The following ADCY7 variants were observed in gnomAD, a reference collection of about 807,000 sequenced individuals.
ADCY7 encodes the protein adenylate cyclase 7.
A neutral mutation model predicts 120.6 loss-of-function variants in ADCY7; 72 were observed. That is an observed-to-expected ratio of 0.60 (90% confidence interval 0.49 to 0.73). ADCY7 has a LOEUF of 0.73. Ranked by LOEUF, ADCY7 falls within the 30% of genes least tolerant of loss-of-function variation. The pLI, the probability that ADCY7 is intolerant of heterozygous loss-of-function variation, is 0.00. For synonymous variants in ADCY7, 661 were observed against 628.0 expected, an observed-to-expected ratio of 1.05 and a Z score of -0.78; for missense variants, 1,227 against 1,486.0, an observed-to-expected ratio of 0.83 and a Z score of 2.87.
chr16:50,311,809 C>G lies in ADCY7; in HGVS notation c.2448+23C>G, dbSNP rs377431616. ...CAGGTAAGGAGGCTGGCCCCCCCCC[C>G]CCCCCCAAGCTCTGCCCACTTTTCC... On this transcript the variant is annotated intron_variant, in intron 20 of 25. Coordinates refer to ENST00000673801, the MANE Select transcript of ADCY7 (RefSeq NM_001114.5). The G allele has an allele frequency of 2.8e-4, 380 of 1,338,270 alleles. 12 individuals carry two copies. Among genetic ancestry groups the G allele is most frequent in the East Asian group, 6.6e-4 (23 of 34,780 alleles). The allele number at this position is 1,338,270 out of a possible 1,614,324, so 82.9% of individuals were successfully genotyped here. A position where few individuals can be genotyped will look rare whatever the true frequency, so the allele number is the denominator to read the frequency against.
chr16:50,282,713 C>CT (rs761341913), intron 1 of ADCY7, among the ~76,000 whole-genome samples: 2,329 of 117,988 alleles, frequency 0.02, 37 homozygotes, highest in African/African-American at 0.056. Flanking sequence ...TAAATCCCAG[C>CT]TTTTTTTTTT....
chr16:50,310,520 C>G (rs768467082), intron 18 of ADCY7, 167 bp from the exon 19 acceptor site: 2 of 1,540,466 alleles, frequency 1.3e-6, no homozygotes, highest in East Asian at 4.9e-5. Context: ...ACAGTGAAAA[C>G]AACACTGGAC....
chr16:50,267,720 A>G (rs1008988000), intron 1 of ADCY7, among the ~76,000 whole-genome samples: 3 of 152,162 alleles, frequency 2.0e-5, no homozygotes, highest in Non-Finnish European at 4.4e-5. Context: ...CTTGGGGAAA[A>G]AAAAATCTGT....
intron 18 of ADCY7, 84 bp downstream of exon 18, chr16:50,309,730 G>A: frequency 8.2e-7 from 1 of 1,225,370 alleles, no homozygotes; most frequent in South Asian, 1.4e-5. Context: ...CTCAAAGCAT[G>A]GGTGCTGACC....
chr16:50,290,321 C>G (rs970271259), intron 2 of ADCY7, 136 bp from the exon 3 acceptor site: 1 of 894,716 alleles, frequency 1.1e-6, no homozygotes, highest in Non-Finnish European at 1.7e-6. Flanking sequence ...GAGTGGGAAC[C>G]AGGTGTGGGA....
In ADCY7 at chr16:50,312,083, G is replaced by GA; in HGVS notation, c.2498dup (p.Glu834GlyfsTer6). On this transcript the variant is annotated frameshift_variant, in exon 21 of 26. Coordinates refer to ENST00000673801, the MANE Select transcript of ADCY7 (RefSeq NM_001114.5). LOFTEE classifies it high-confidence loss of function. ...ACTGCCTATGGAAGAAGAAGTTCAA[G>GA]AAGGAGCACGAGGAGTTTGAGACCA... The GA allele has an allele frequency of 1.2e-6, 2 of 1,614,244 alleles. No individual in the cohort carries two copies. Among genetic ancestry groups the GA allele is most frequent in the East Asian group, 4.5e-5 (2 of 44,882 alleles).
At chr16:50,255,932 A>G (rs1291601129) in intron 1 of ADCY7, among the ~76,000 whole-genome samples, 3 of 152,208 alleles carry the variant, frequency 2.0e-5, no homozygotes, top group African/African-American at 7.2e-5. Flanking sequence ...ACCAACTCAA[A>G]ATGGACTGAA....
At chr16:50,262,981 G>A (rs2033098856), upstream of ADCY7, among the ~76,000 whole-genome samples, 1 of 152,252 alleles carries the variant, frequency 6.6e-6, no homozygotes, top group African/African-American at 2.4e-5. Context: ...ACCTTGTAAT[G>A]GGGTTAGGGG....
Position 50,311,768 on chromosome 16 carries a change from G to C in ADCY7, c.2430G>C (p.Leu810=). ...ACCTGGTCCTGTTCTACATCACCCT[G>C]CTTACACTCTCCAGACAGGTAAGGA... The part of the protein sequence containing the change: ...NFYLVLFYIT[L]LTLSRQIDYY... Residue 810 remains leucine (L), a synonymous_variant, in exon 20 of 26, where the codon CTG becomes CTC. Coordinates refer to ENST00000673801, the MANE Select transcript of ADCY7 (RefSeq NM_001114.5). The C allele has an allele frequency of 6.6e-7, 1 of 1,521,102 alleles. No homozygotes were observed. Among genetic ancestry groups the C allele is most frequent in the East Asian group, 2.5e-5 (1 of 40,146 alleles). The allele number at this position is 1,521,102 out of a possible 1,614,324, so 94.2% of individuals were successfully genotyped here.
chr16:50,288,396 G>A (rs775075222), intron 2 of ADCY7, 46 bp downstream of exon 2: 2 of 1,482,750 alleles, frequency 1.3e-6, no homozygotes, highest in South Asian at 1.3e-5. Context: ...CCCCAACCTT[G>A]GCCAAGCTGC....
At position 50,290,569 on chromosome 16, in the gene ADCY7, C is replaced by A. The variant is rs747734207; in HGVS notation, c.284C>A (p.Ala95Asp). The A allele has an allele frequency of 3.1e-6, 5 of 1,614,186 alleles. No homozygotes were observed. In the Admixed American group the frequency reaches 5.0e-5, roughly 16 times the overall value. Residue 95 changes from alanine (A) to aspartate (D), a missense_variant, in exon 3 of 26, where the codon GCC (alanine) becomes GAC (aspartate). Ala to Asp is a moderately radical substitution (Grantham distance 126). Around this residue, in one of 5 missense-constraint regions of ADCY7, gnomAD observed 382 missense variants for 411.4 expected, o/e 0.93. Coordinates refer to ENST00000673801, the MANE Select transcript of ADCY7 (RefSeq NM_001114.5). ...VECLLRRWLR[A>D]LALLTWACLV... ...TGTCTCCTGCGGCGCTGGCTCAGGGCCTTGGCGCTGCTCACCTGGGCCTGC... is the reference window on the plus strand; with the variant it reads ...TGTCTCCTGCGGCGCTGGCTCAGGGACTTGGCGCTGCTCACCTGGGCCTGC...
At chr16:50,308,952 C>A in intron 17 of ADCY7, 160 bp downstream of exon 17, 3 of 886,584 alleles carry the variant, frequency 3.4e-6, no homozygotes, top group South Asian at 2.4e-5. Context: ...GGGCTCCTCA[C>A]CTTTGGGTTC....
chr16:50,290,751 A>G, intron 3 of ADCY7, 91 bp downstream of exon 3: 6 of 1,398,466 alleles, frequency 4.3e-6, no homozygotes, highest in Non-Finnish European at 2.9e-6. Context: ...TTCGTGCCCC[A>G]CGCTTGGCTG....
rs541639639 is a variant in ADCY7, at chr16:50,279,083, G to A, written c.-268-8829G>A. On this transcript the variant is annotated intron_variant, in intron 1 of 25. Coordinates refer to ENST00000673801, the MANE Select transcript of ADCY7 (RefSeq NM_001114.5). ...GACAGGGTTTCACCATGTTGGCCAGGCTGGTCTCGAACTCCTGGCCTCAAG... is the reference window on the plus strand; with the variant it reads ...GACAGGGTTTCACCATGTTGGCCAGACTGGTCTCGAACTCCTGGCCTCAAG... 7.9e-5 allele frequency among the ~76,000 whole-genome samples: 12 copies of A among 152,270 alleles called. No individual in the cohort carries two copies. In the South Asian group the frequency reaches 1.9e-3, roughly 24 times the overall value.
Position 50,315,576 on chromosome 16 carries a change from C to T in ADCY7, c.*71C>T. The T allele has an allele frequency of 6.4e-7, 1 of 1,552,240 alleles. No individual in the cohort carries two copies. The highest frequency in any genetic ancestry group is 1.1e-5 in the South Asian group (1 of 87,418). On this transcript the variant is annotated 3_prime_UTR_variant, in exon 26 of 26. Transcript: ENST00000673801. ...CCTGAAGCAAGCCCAGGAGAAGACTCTCCGCCCCACGCCAATCCCAAAGGC... is the reference window on the plus strand; with the variant it reads ...CCTGAAGCAAGCCCAGGAGAAGACTTTCCGCCCCACGCCAATCCCAAAGGC...
At chr16:50,245,435 C>G (rs930407722), upstream of ADCY7, among the ~76,000 whole-genome samples, 2 of 152,164 alleles carry the variant, frequency 1.3e-5, no homozygotes, top group African/African-American at 4.8e-5. Flanking sequence ...GGACGACCTC[C>G]TCTGCCCCTC....
chr16:50,291,941 G>C (rs770288358), intron 4 of ADCY7, 44 bp downstream of exon 4: 1 of 1,556,386 alleles, frequency 6.4e-7, no homozygotes, highest in Non-Finnish European at 8.7e-7. Flanking sequence ...TTGTGGTCTG[G>C]GTCTAAGGGC....
At chr16:50,268,839 C>T (rs1018271513) in intron 1 of ADCY7, among the ~76,000 whole-genome samples, 2 of 152,138 alleles carry the variant, frequency 1.3e-5, no homozygotes, top group African/African-American at 2.4e-5. Context: ...GGGTTCGAGA[C>T]CAGCCTGGGC....
At chr16:50,315,315 G>A (rs566341415) in intron 25 of ADCY7, 44 bp from the exon 26 acceptor site, 29 of 1,590,062 alleles carry the variant, frequency 1.8e-5, no homozygotes, top group South Asian at 4.5e-5. Context: ...CATGACAGGT[G>A]TTCTTCCCGC....
Sources: gnomAD v4.1 joint callset for allele counts (sites outside exome capture counted in the v4.1 genomes callset) on GRCh38, gnomAD v4.1.1 for gene constraint, gnomAD v4.1.1 regional missense constraint, MANE v1.5 for transcripts, NCBI Gene and HGNC (gene_info 2026-07-23, HGNC 2026-07-21) for gene names.